The following HS6ST3 variants were observed in gnomAD, a reference collection of about 807,000 sequenced individuals.
HS6ST3 encodes heparan sulfate 6-O-sulfotransferase 3.
Under a neutral mutation model 36.7 loss-of-function variants are expected in HS6ST3, and 12 were observed. The ratio of observed to expected loss-of-function variants is 0.33; its 90% CI spans 0.21 to 0.53. HS6ST3 has a LOEUF of 0.53. Among genes scored for constraint, HS6ST3 ranks in the 20% least tolerant of loss-of-function variants. HS6ST3 has a pLI of 0.95. For synonymous variants in HS6ST3, 240 were observed against 257.5 expected (o/e 0.93, Z 0.65); for missense variants, 584 against 640.9 (o/e 0.91, Z 0.96).
chr13:96,368,549 A>G (rs1346848833), intron 1 of HS6ST3, among the ~76,000 whole-genome samples: 1 of 151,964 alleles, frequency 6.6e-6, no homozygotes, highest in Non-Finnish European at 1.5e-5. Context: ...ATTTTGAATT[A>G]CATGGTATAA....
intron 1 of HS6ST3, among the ~76,000 whole-genome samples, chr13:96,599,373 C>T (rs558240442): frequency 2.0e-5 from 3 of 152,008 alleles, no homozygotes; most frequent in South Asian, 2.1e-4. Context: ...CTTGGAAGAT[C>T]GCATGTTCCC....
At chr13:96,121,951 G>A (rs1308582639) in intron 1 of HS6ST3, among the ~76,000 whole-genome samples, 1 of 152,052 alleles carries the variant, frequency 6.6e-6, no homozygotes, top group East Asian at 1.9e-4. Flanking sequence ...AGTAACGTTT[G>A]TGAAACCCAT....
intron 1 of HS6ST3, among the ~76,000 whole-genome samples, chr13:96,103,409 T>A (rs1390573018): frequency 2.0e-5 from 3 of 152,196 alleles, no homozygotes; most frequent in African/African-American, 7.2e-5. Flanking sequence ...GGTTGGTGAG[T>A]TTGTGGTCTC....
chr13:96,716,674 A>G lies in HS6ST3; in HGVS notation c.708-115816A>G, dbSNP rs576750955. On this transcript the variant is annotated intron_variant, in intron 1 of 1. Transcript: ENST00000376705. ...ATCTATCATCTGTCATTTCTCTATT[A>G]TCTATCTATCCATCCATCTATATAA... Among the ~76,000 whole-genome samples the G allele has an allele frequency of 1.6e-4, 25 of 152,230 alleles. 1 individual carries two copies. The South Asian group carries it at 4.6e-3, about 28-fold the overall frequency.
At chr13:96,410,015 A>G (rs1191954647) in intron 1 of HS6ST3, among the ~76,000 whole-genome samples, 1 of 152,244 alleles carries the variant, frequency 6.6e-6, no homozygotes, top group Non-Finnish European at 1.5e-5. Flanking sequence ...TAAAATAAAA[A>G]GAAATAATAA....
intron 1 of HS6ST3, among the ~76,000 whole-genome samples, chr13:96,149,336 A>G (rs1467247869): frequency 6.6e-6 from 1 of 152,186 alleles, no homozygotes; most frequent in East Asian, 1.9e-4. Flanking sequence ...ATTTTTTATT[A>G]TGAGAGTAGC....
chr13:96,780,492 CTATAGTTCT>C, intron 1 of HS6ST3, among the ~76,000 whole-genome samples: 1 of 152,192 alleles, frequency 6.6e-6, no homozygotes, highest in African/African-American at 2.4e-5. Flanking sequence ...TAATCTAGTG[CTATAGTTCT>C]TATAGTTCTT....
intron 1 of HS6ST3, among the ~76,000 whole-genome samples, chr13:96,769,828 C>T (rs903026864): frequency 6.6e-6 from 1 of 151,354 alleles, no homozygotes; most frequent in African/African-American, 2.4e-5. Context: ...AATACCCATA[C>T]TCTACTCTGT....
intron 1 of HS6ST3, among the ~76,000 whole-genome samples, chr13:96,344,569 TG>T (rs1367782833): frequency 1.3e-5 from 2 of 152,240 alleles, no homozygotes; most frequent in Admixed American, 6.5e-5. Context: ...GGTCATTTTT[TG>T]AACCTAGTGA....
intron 1 of HS6ST3, among the ~76,000 whole-genome samples, chr13:96,699,612 T>C (rs985325524): frequency 6.6e-6 from 1 of 152,210 alleles, no homozygotes; most frequent in Non-Finnish European, 1.5e-5. Flanking sequence ...GGAGAGGATG[T>C]GGAGAAATAG....
At chr13:96,484,001 CTA>C (rs1427574723) in intron 1 of HS6ST3, among the ~76,000 whole-genome samples, 3 of 152,262 alleles carry the variant, frequency 2.0e-5, no homozygotes, top group Non-Finnish European at 4.4e-5. Context: ...GTTGAAAAGA[CTA>C]TCTTTCCTTC....
intron 1 of HS6ST3, among the ~76,000 whole-genome samples, chr13:96,126,497 A>G (rs1011478806): frequency 1.3e-5 from 2 of 152,182 alleles, no homozygotes; most frequent in Non-Finnish European, 2.9e-5. Flanking sequence ...AGGAAGATAC[A>G]TTGCAAGGGT....
intron 1 of HS6ST3, among the ~76,000 whole-genome samples, chr13:96,656,112 A>T (rs2056623896): frequency 6.6e-6 from 1 of 152,182 alleles, no homozygotes; most frequent in South Asian, 2.1e-4. Context: ...TAAGAGAATT[A>T]CAAAGATTTT....
chr13:96,199,865 A>C (rs983761326), intron 1 of HS6ST3, among the ~76,000 whole-genome samples: 8 of 150,992 alleles, frequency 5.3e-5, no homozygotes, highest in Non-Finnish European at 8.9e-5. Flanking sequence ...TTTTTTTTTT[A>C]TATAGCTTTC....
chr13:96,465,395 A>G (rs941456087), intron 1 of HS6ST3, among the ~76,000 whole-genome samples: 1 of 152,224 alleles, frequency 6.6e-6, no homozygotes, highest in Admixed American at 6.5e-5. Flanking sequence ...AGGGAATACT[A>G]CACAGCAATG....
chr13:96,292,210 A>ATGTG (rs4001473), intron 1 of HS6ST3, among the ~76,000 whole-genome samples: 35 of 149,980 alleles, frequency 2.3e-4, no homozygotes, highest in African/African-American at 3.7e-4. Context: ...TTTAGAGTAA[A>ATGTG]TGTGTGTGTG....
chr13:96,598,065 A>G (rs1333696145), intron 1 of HS6ST3, among the ~76,000 whole-genome samples: 2 of 152,018 alleles, frequency 1.3e-5, no homozygotes, highest in African/African-American at 4.8e-5. Flanking sequence ...TGCTGTTTTC[A>G]TTACCATAAC....
intron 1 of HS6ST3, among the ~76,000 whole-genome samples, chr13:96,337,326 C>T (rs965283043): frequency 5.9e-5 from 9 of 152,174 alleles, no homozygotes; most frequent in African/African-American, 1.4e-4. Context: ...CCGCCTGTCT[C>T]GGCCTCCCAA....
rs1471816229 is a variant in HS6ST3, at chr13:96,832,893, A to C, written c.1111A>C (p.Lys371Gln). The C allele has an allele frequency of 2.5e-5, 41 of 1,614,114 alleles. No homozygotes were observed. Among genetic ancestry groups the C allele is most frequent in the Non-Finnish European group, 3.4e-5 (40 of 1,179,976 alleles). ...TCTCTTTGAGAGAACATTCAACCTC[A>C]AGTTCATCTCCCCCTTCACACAGTT... ...QFLFERTFNL[K>Q]FISPFTQFNI... Residue 371 changes from lysine (K) to glutamine (Q), a missense_variant, in exon 2 of 2, where the codon AAG becomes CAG. By Grantham distance (53) the Lys-to-Gln change is moderately conservative. Transcript: ENST00000376705.
Sources: gnomAD v4.1 joint callset for allele counts (sites outside exome capture counted in the v4.1 genomes callset) on GRCh38, gnomAD v4.1.1 for gene constraint, MANE v1.5 for transcripts, NCBI Gene and HGNC (gene_info 2026-07-23, HGNC 2026-07-21) for gene names.